Variants in SPTBN1 observed in about 807,000 individuals in gnomAD.
SPTBN1 encodes the protein spectrin beta chain, non-erythrocytic 1.
SPTBN1 carries 32 observed loss-of-function variants against 266.4 expected under a neutral mutation model. That is an observed-to-expected ratio of 0.12 (90% confidence interval 0.09 to 0.16). SPTBN1 has a LOEUF of 0.16. Ranked by LOEUF, SPTBN1 falls within the 10% of genes least tolerant of loss-of-function variation. SPTBN1 has a pLI of 1.00. For synonymous variants in SPTBN1, 1,336 were observed against 1,162.2 expected, an observed-to-expected ratio of 1.15 and a Z score of -3.04; for missense variants, 2,296 against 3,067.1, an observed-to-expected ratio of 0.75 and a Z score of 5.94.
At chr2:54,587,475 G>T (rs892886160) in intron 2 of SPTBN1, among the ~76,000 whole-genome samples, 1 of 152,174 alleles carries the variant, frequency 6.6e-6, no homozygotes, top group Non-Finnish European at 1.5e-5. Flanking sequence ...GCCGTTCTGT[G>T]TTGTTTAGTA....
At position 54,664,246 on chromosome 2, in the gene SPTBN1, TC is replaced by T; in HGVS notation, c.6421-204del. The T allele has an allele frequency of 1.7e-6, 1 of 571,458 alleles. No individual in the cohort carries two copies. The highest frequency in any genetic ancestry group is 1.8e-5 in the African/African-American group (1 of 54,604). The allele number at this position is 571,458 out of a possible 1,614,324, so 35.4% of individuals were successfully genotyped here. A position where few individuals can be genotyped will look rare whatever the true frequency, so the allele number is the denominator to read the frequency against. On this transcript the variant is annotated intron_variant, in intron 32 of 35. Coordinates refer to ENST00000356805, the MANE Select transcript of SPTBN1 (RefSeq NM_003128.3). The surrounding 1 kb of genome is among the most constrained non-coding windows in gnomAD (Gnocchi z 5.6). Reference sequence around the variant, plus strand: ...ATACTGGCATTTCGCTTTTCTCATTTCCCTGTAAATGGGCGGGTATTAATCC... The same window carrying T: ...ATACTGGCATTTCGCTTTTCTCATTTCCTGTAAATGGGCGGGTATTAATCC...
chr2:54,489,245 C>A (rs1215503458), intron 1 of SPTBN1, among the ~76,000 whole-genome samples: 4 of 149,668 alleles, frequency 2.7e-5, no homozygotes, highest in African/African-American at 4.9e-5. Context: ...CACTTGAGCC[C>A]AGGAAGTTGA....
intron 1 of SPTBN1, among the ~76,000 whole-genome samples, chr2:54,494,424 G>A (rs536874602): frequency 2.6e-5 from 4 of 151,844 alleles, no homozygotes; most frequent in South Asian, 2.1e-4. Flanking sequence ...ACACATATTC[G>A]TACAAAAAAA....
At chr2:54,485,500 G>T (rs369444825) in intron 1 of SPTBN1, among the ~76,000 whole-genome samples, 7 of 151,818 alleles carry the variant, frequency 4.6e-5, no homozygotes, top group Non-Finnish European at 4.4e-5. Flanking sequence ...GTGCTCAATG[G>T]TGCCCAGGCT....
intron 1 of SPTBN1, among the ~76,000 whole-genome samples, chr2:54,501,212 C>G (rs1394047327): frequency 6.6e-6 from 1 of 152,164 alleles, no homozygotes; most frequent in Non-Finnish European, 1.5e-5. Context: ...TCCCCTTTAC[C>G]CGAGTAGAAA....
At chr2:54,660,774 C>G (rs1680979696) in intron 32 of SPTBN1, 4 of 985,394 alleles carry the variant, frequency 4.1e-6, no homozygotes, top group Non-Finnish European at 4.8e-6. Flanking sequence ...GATGTTGCAG[C>G]CAGCCTCAGG....
chr2:54,470,694 C>T (rs1417336670), intron 1 of SPTBN1, among the ~76,000 whole-genome samples: 1 of 152,092 alleles, frequency 6.6e-6, no homozygotes, highest in Admixed American at 6.5e-5. Context: ...TTCTGTTCAC[C>T]AGAACAGGGT....
intron 1 of SPTBN1, among the ~76,000 whole-genome samples, chr2:54,468,271 C>G (rs185840680): frequency 8.6e-5 from 13 of 151,106 alleles, no homozygotes; most frequent in Middle Eastern, 3.4e-3. Flanking sequence ...CGCACCATTG[C>G]GCTCCAGCCT....
chr2:54,478,365 G>A (rs938529469), intron 1 of SPTBN1, among the ~76,000 whole-genome samples: 3 of 152,096 alleles, frequency 2.0e-5, no homozygotes, highest in Non-Finnish European at 4.4e-5. Context: ...CCTGTAGTGG[G>A]TCCCCTGATG....
At position 54,485,185 on chromosome 2, in the gene SPTBN1, C is replaced by T. The variant is rs546988416; in HGVS notation, c.-48+28667C>T. 7.9e-5 allele frequency among the ~76,000 whole-genome samples: 12 copies of T among 151,938 alleles called. No individual in the cohort carries two copies. The South Asian group carries it at 1.9e-3, about 24-fold the overall frequency. On this transcript the variant is annotated intron_variant, in intron 1 of 35. Coordinates refer to ENST00000356805, the MANE Select transcript of SPTBN1 (RefSeq NM_003128.3). ...CTCCCTCTCCCTCCGTCTCCCTCTCCGTCTCCCTCTCGGTCTCCCTCTCCC... is the reference window on the plus strand; with the variant it reads ...CTCCCTCTCCCTCCGTCTCCCTCTCTGTCTCCCTCTCGGTCTCCCTCTCCC...
intron 2 of SPTBN1, among the ~76,000 whole-genome samples, chr2:54,584,614 C>T (rs536339622): frequency 6.6e-6 from 1 of 152,270 alleles, no homozygotes; most frequent in South Asian, 2.1e-4. Context: ...CCTCTGCTAT[C>T]TGCCACCCCA....
Position 54,668,680 on chromosome 2 carries a change from A to C in SPTBN1, c.*111A>C. 1.8e-6 allele frequency: 1 copy of C among 552,832 alleles called. No individual in the cohort carries two copies. Among genetic ancestry groups the C allele is most frequent in the South Asian group, 2.3e-5 (1 of 43,908 alleles). 34.2% of individuals were successfully genotyped at this position (552,832 alleles called of 1,614,324 possible). On this transcript the variant is annotated 3_prime_UTR_variant, in exon 36 of 36. Transcript: ENST00000356805. The stretch of plus-strand genomic sequence containing the variant: ...TGCCTAATGTTCCTCAATGTGGTTG[A>C]TTTTTTTTTTTTTTTAATTTATAGA...
At chr2:54,465,492 T>C (rs1693579139) in intron 1 of SPTBN1, among the ~76,000 whole-genome samples, 1 of 152,140 alleles carries the variant, frequency 6.6e-6, no homozygotes, top group African/African-American at 2.4e-5. Context: ...TTTCAGTGAA[T>C]GGTATCTCAG....
intron 27 of SPTBN1, among the ~76,000 whole-genome samples, chr2:54,654,649 A>G (rs1005623481): frequency 6.6e-6 from 1 of 152,096 alleles, no homozygotes; most frequent in Non-Finnish European, 1.5e-5. Context: ...CTGCTCTTTG[A>G]TATGGCCATC....
intron 2 of SPTBN1, among the ~76,000 whole-genome samples, chr2:54,588,499 T>C (rs969672919): frequency 2.0e-5 from 3 of 152,142 alleles, no homozygotes; most frequent in Non-Finnish European, 4.4e-5. Flanking sequence ...TTCAGATAAA[T>C]GTGGGCTCTA....
chr2:54,491,094 C>T (rs184512824), intron 1 of SPTBN1, among the ~76,000 whole-genome samples: 16 of 152,230 alleles, frequency 1.1e-4, no homozygotes, highest in Non-Finnish European at 2.2e-4. Flanking sequence ...AGCAGGGAAA[C>T]CAGTCAGGAA....
intron 1 of SPTBN1, among the ~76,000 whole-genome samples, chr2:54,457,500 A>C (rs916580157): frequency 6.6e-6 from 1 of 152,190 alleles, no homozygotes; most frequent in South Asian, 2.1e-4. Context: ...AAGTGAGGAC[A>C]GGGTGCGTGT....
intron 1 of SPTBN1, among the ~76,000 whole-genome samples, chr2:54,465,055 A>G (rs1437605801): frequency 2.6e-5 from 4 of 152,336 alleles, no homozygotes; most frequent in African/African-American, 9.6e-5. Flanking sequence ...ATTTTTAAAA[A>G]GGAAAGAAAA....
At chr2:54,567,780 T>TTC (rs200254025) in intron 2 of SPTBN1, among the ~76,000 whole-genome samples, 104 of 152,302 alleles carry the variant, frequency 6.8e-4, no homozygotes, top group African/African-American at 2.3e-3. Context: ...GCATGCTTTA[T>TTC]TCTCTCTCTA....
Sources: allele counts gnomAD v4.1 joint callset (sites outside exome capture counted in the v4.1 genomes callset), GRCh38; gene constraint gnomAD v4.1.1; non-coding constraint Gnocchi (gnomAD v3.1); transcripts MANE v1.5; gene names NCBI Gene and HGNC (gene_info 2026-07-23, HGNC 2026-07-21).